ANGPT4: variants seen among roughly 807,000 people sequenced by gnomAD.
The protein encoded by ANGPT4 is angiopoietin 4.
ANGPT4 carries 50 observed loss-of-function variants against 53.0 expected under a neutral mutation model. The ratio of observed to expected loss-of-function variants is 0.94; its 90% CI spans 0.75 to 1.20. The LOEUF is 1.20. Ranked by LOEUF, ANGPT4 falls within the 50% of genes most tolerant of loss-of-function variation. ANGPT4 has a pLI of 0.00. For missense variants in ANGPT4, 648 were observed against 637.1 expected, an observed-to-expected ratio of 1.02 and a Z score of -0.18; for synonymous variants, 251 against 259.7, an observed-to-expected ratio of 0.97 and a Z score of 0.32.
At chr20:915,590 C>A (rs1259729203) in intron 1 of ANGPT4, among the ~76,000 whole-genome samples, 1 of 152,176 alleles carries the variant, frequency 6.6e-6, no homozygotes, top group Non-Finnish European at 1.5e-5. Context: ...TGCCTCTTTC[C>A]CCTACTAGTC....
At chr20:878,710 A>C (rs1226316760) in intron 6 of ANGPT4, among the ~76,000 whole-genome samples, 1 of 152,186 alleles carries the variant, frequency 6.6e-6, no homozygotes, top group Non-Finnish European at 1.5e-5. Context: ...TTAAATACAT[A>C]TCTAAAGGCT....
chr20:906,016 C>T (rs550499642), intron 1 of ANGPT4, among the ~76,000 whole-genome samples: 2 of 152,304 alleles, frequency 1.3e-5, no homozygotes, highest in South Asian at 2.1e-4. Flanking sequence ...CTTAGCCACT[C>T]GGTGGGCTGC....
rs147226909 is a variant in ANGPT4, at chr20:873,897, C to T, written c.1351+387G>A. The stretch of plus-strand genomic sequence containing the variant: ...TCTGACCTCTGTGCCTACCAAGGAA[C>T]ACTGCCTGAGCCACAGCTGGTGTGG... On this transcript the variant is annotated intron_variant, in intron 8 of 8. Transcript: ENST00000381922. Among the ~76,000 whole-genome samples, 357 of 152,296 alleles carry T rather than the reference C, an allele frequency of 2.3e-3. 1 individual carries two copies. Among genetic ancestry groups the T allele is most frequent in the African/African-American group, 8.1e-3 (335 of 41,562 alleles).
At chr20:909,706 G>C (rs730169) in intron 1 of ANGPT4, among the ~76,000 whole-genome samples, 15,678 of 152,260 alleles carry the variant, frequency 0.1, 878 homozygotes, top group South Asian at 0.22. Context: ...GAGTGGAAAA[G>C]CAATGGTCTG....
Position 914,565 on chromosome 20 carries a change from G to T in ANGPT4, c.309+1341C>A, listed in dbSNP as rs529221100. Among the ~76,000 whole-genome samples, 62 of 152,168 alleles carry T rather than the reference G, an allele frequency of 4.1e-4. No homozygotes were observed. Among genetic ancestry groups the T allele is most frequent in the African/African-American group, 1.3e-3 (56 of 41,492 alleles). On this transcript the variant is annotated intron_variant, in intron 1 of 8. Coordinates refer to ENST00000381922, the MANE Select transcript of ANGPT4 (RefSeq NM_015985.4). The surrounding 1 kb of genome is among the most constrained non-coding windows in gnomAD (Gnocchi z 5.0). ...CGAGTGTTAGCAGGGAGCCAGGGGG[G>T]CAGCCAGGACAGCTATCCTGCCTGG...
At chr20:885,043 C>A in intron 4 of ANGPT4, 35 bp downstream of exon 4, 1 of 1,612,380 alleles carries the variant, frequency 6.2e-7, no homozygotes, top group Non-Finnish European at 8.5e-7. Context: ...TCCTGCCCGT[C>A]TTTAGCCACA....
At chr20:913,393 C>T (rs1398031468) in intron 1 of ANGPT4, among the ~76,000 whole-genome samples, 1 of 152,130 alleles carries the variant, frequency 6.6e-6, no homozygotes, top group Non-Finnish European at 1.5e-5. Context: ...AGACCGAAAC[C>T]TGCTCATCTG....
chr20:879,693 C>T (rs1981315212), intron 6 of ANGPT4, 54 bp downstream of exon 6: 3 of 1,513,594 alleles, frequency 2.0e-6, no homozygotes, highest in Non-Finnish European at 1.8e-6. Flanking sequence ...AACAGCCCAG[C>T]CCCAGCCCCA....
In ANGPT4 at chr20:916,047, AG is replaced by A. The variant is rs762278397; in HGVS notation, c.167del (p.Pro56LeufsTer32). ...AGTCCCTGGAGACCTCAGGCCCCGG[AG>A]GGCAGGGCTCAGACTTGGGCAGCAA... ...TFLLPKSEPC[P>X]PGPEVSRDSN... On this transcript the variant is annotated frameshift_variant, in exon 1 of 9. Transcript: ENST00000381922. LOFTEE classifies it high-confidence loss of function. The A allele has an allele frequency of 5.6e-6, 9 of 1,614,132 alleles. No homozygotes were observed. The South Asian group carries it at 9.9e-5, about 18-fold the overall frequency.
In ANGPT4 at chr20:874,424, AC is replaced by A. The variant is rs755340166; in HGVS notation, c.1221-11del. The A allele has an allele frequency of 9.9e-6, 16 of 1,612,880 alleles. No individual in the cohort carries two copies. Among genetic ancestry groups the A allele is most frequent in the Non-Finnish European group, 1.4e-5 (16 of 1,179,912 alleles). On this transcript the variant is annotated splice_polypyrimidine_tract_variant and intron_variant, in intron 7 of 8. Transcript: ENST00000381922. ...CCCGACCACAGAAAGCCTGGAGGCCACCCAGAGGTGGTGGTGGCAGAAGGGC... is the reference window on the plus strand; with the variant it reads ...CCCGACCACAGAAAGCCTGGAGGCCACCAGAGGTGGTGGTGGCAGAAGGGC...
intron 3 of ANGPT4, among the ~76,000 whole-genome samples, chr20:885,986 G>A (rs1222937760): frequency 6.6e-6 from 1 of 152,384 alleles, no homozygotes; most frequent in East Asian, 1.9e-4. Flanking sequence ...CTCAAGTGCT[G>A]TGACTTCTGC....
rs1981389020 is a variant in ANGPT4, at chr20:881,180, C to T, written c.942G>A (p.Lys314=). Residue 314 remains lysine, a synonymous_variant, in exon 5 of 9, where the codon AAG becomes AAA. Transcript: ENST00000381922. ...CAGGGAGCCCCCTAACCTTCCTGGG[C>T]TTCGTTGCATTGGACACCTGGATGG... ...VYTIQVSNAT[K]PRKVFCDLQS... is the part of the protein sequence containing the mutation. The T allele has an allele frequency of 1.3e-6, 2 of 1,587,000 alleles. No individual in the cohort carries two copies. Among genetic ancestry groups the T allele is most frequent in the Middle Eastern group, 1.7e-4 (1 of 5,920 alleles).
intron 1 of ANGPT4, among the ~76,000 whole-genome samples, chr20:900,946 C>A (rs1305404922): frequency 6.6e-6 from 1 of 152,140 alleles, no homozygotes; most frequent in Non-Finnish European, 1.5e-5. Flanking sequence ...AAACTGCATC[C>A]AGGCCATCAC....
At chr20:899,825 G>C (rs1352485167) in intron 1 of ANGPT4, among the ~76,000 whole-genome samples, 2 of 152,124 alleles carry the variant, frequency 1.3e-5, no homozygotes, top group Non-Finnish European at 2.9e-5. Context: ...CCTCTCTTCG[G>C]TTTCACTTGG....
At chr20:893,167 A>G (rs1981915688) in intron 1 of ANGPT4, among the ~76,000 whole-genome samples, 1 of 152,224 alleles carries the variant, frequency 6.6e-6, no homozygotes, top group African/African-American at 2.4e-5. Flanking sequence ...TTTGTCCACT[A>G]ATCTGCAATT....
At chr20:882,873 T>C (rs1445240438) in intron 4 of ANGPT4, among the ~76,000 whole-genome samples, 2 of 152,224 alleles carry the variant, frequency 1.3e-5, no homozygotes, top group Non-Finnish European at 2.9e-5. Flanking sequence ...CAAGGTGTCA[T>C]GTAATGCCAG....
intron 1 of ANGPT4, among the ~76,000 whole-genome samples, chr20:903,639 C>T (rs1258276391): frequency 1.3e-5 from 2 of 152,210 alleles, no homozygotes. Context: ...AAATTCTTTG[C>T]TTTGGAAACA....
At chr20:877,118 G>A (rs568431406) in intron 7 of ANGPT4, among the ~76,000 whole-genome samples, 1 of 152,328 alleles carries the variant, frequency 6.6e-6, no homozygotes, top group South Asian at 2.1e-4. Flanking sequence ...AAACAGTGGG[G>A]GCATATCACT....
At chr20:893,796 A>C (rs769779011) in intron 1 of ANGPT4, among the ~76,000 whole-genome samples, 1 of 152,044 alleles carries the variant, frequency 6.6e-6, no homozygotes, top group Admixed American at 6.6e-5. Flanking sequence ...CCAGACCTCA[A>C]TCTTAACTTC....
Sources: allele counts gnomAD v4.1 joint callset (sites outside exome capture counted in the v4.1 genomes callset), GRCh38; gene constraint gnomAD v4.1.1; non-coding constraint Gnocchi (gnomAD v3.1); transcripts MANE v1.5; gene names NCBI Gene and HGNC (gene_info 2026-07-23, HGNC 2026-07-21).